Variants in SP1 observed in about 807,000 individuals in gnomAD.
The protein encoded by SP1 is transcription factor Sp1.
A neutral mutation model predicts 66.3 loss-of-function variants in SP1; 6 were observed. That is an observed-to-expected ratio of 0.09 (90% CI 0.05 to 0.18). The LOEUF (loss-of-function observed/expected upper bound fraction) is 0.18. Ranked by LOEUF, SP1 falls within the 10% of genes least tolerant of loss-of-function variation. SP1 has a pLI of 1.00. For missense variants in SP1, 848 were observed against 964.5 expected (o/e 0.88, Z 1.60); for synonymous variants, 417 against 360.8 (o/e 1.16, Z -1.77).
At chr12:53,392,586 TG>T (rs1938378951) in intron 3 of SP1, among the ~76,000 whole-genome samples, 1 of 151,426 alleles carries the variant, frequency 6.6e-6, no homozygotes, top group Admixed American at 6.6e-5. Flanking sequence ...CTCGATCTCC[TG>T]ACCTCGTGAT....
chr12:53,399,461 A>G (rs1427108956), intron 3 of SP1, among the ~76,000 whole-genome samples: 2 of 151,480 alleles, frequency 1.3e-5, no homozygotes, highest in Non-Finnish European at 2.9e-5. Flanking sequence ...CCTTGAGAGT[A>G]GCTGGGGCTA....
chr12:53,383,130 C>A lies in SP1; in HGVS notation c.1183C>A (p.Gln395Lys). The A allele has an allele frequency of 6.2e-7, 1 of 1,614,216 alleles. No individual in the cohort carries two copies. The change falls in exon 3 of 6, where the codon CAG (glutamine) becomes AAG (lysine). Residue 395 changes from glutamine (Q) to lysine (K), a missense_variant. Transcript: ENST00000327443. ...QKEGEQNQQTQQQQILIQPQL... is the reference protein window; with the variant it reads ...QKEGEQNQQTKQQQILIQPQL... ...AGAAGGAGAGCAAAACCAGCAGACACAGCAGCAACAAATTCTTATCCAGCC... is the reference window on the plus strand; with the variant it reads ...AGAAGGAGAGCAAAACCAGCAGACAAAGCAGCAACAAATTCTTATCCAGCC...
At chr12:53,401,457 GAAAA>G (rs11367408) in intron 3 of SP1, among the ~76,000 whole-genome samples, 4 of 81,108 alleles carry the variant, frequency 4.9e-5, no homozygotes, top group Non-Finnish European at 7.3e-5. Context: ...ATCTATCTGG[GAAAA>G]AAAAAAAAAA....
At chr12:53,409,309 G>T in intron 4 of SP1, 53 bp from the exon 5 acceptor site, 1 of 1,463,512 alleles carries the variant, frequency 6.8e-7, no homozygotes, top group Non-Finnish European at 9.5e-7. Flanking sequence ...ATACTTTGTG[G>T]TTCTTTAGTT....
chr12:53,403,725 A>G (rs1196381809), intron 3 of SP1, among the ~76,000 whole-genome samples: 1 of 152,154 alleles, frequency 6.6e-6, no homozygotes, highest in Non-Finnish European at 1.5e-5. Context: ...ATACTTATTT[A>G]TAGTAAATGC....
rs952570918 is a variant in SP1 at position 53,412,102 on chromosome 12, A to G, written c.*862A>G. On this transcript the variant is annotated 3_prime_UTR_variant, in exon 6 of 6. Transcript: ENST00000327443. ...TGAAGCCCAGGCTGATGCTTGAAGT[A>G]ACTGTGGAGGGAGTGTTCAAAATAC... 5 of 152,296 alleles carry G rather than the reference A, an allele frequency of 3.3e-5. No homozygotes were observed. Among genetic ancestry groups the G allele is most frequent in the Admixed American group, 2.6e-4 (4 of 15,270 alleles). 9.4% of individuals were successfully genotyped at this position (152,296 alleles called of 1,614,324 possible). A position where few individuals can be genotyped will look rare whatever the true frequency, so the allele number is the denominator to read the frequency against.
intron 3 of SP1, among the ~76,000 whole-genome samples, chr12:53,397,621 C>T (rs1474267570): frequency 7.0e-6 from 1 of 143,116 alleles, no homozygotes; most frequent in African/African-American, 2.6e-5. Flanking sequence ...GAGTCCTGCT[C>T]TTCGCCCAGG....
intron 3 of SP1, among the ~76,000 whole-genome samples, chr12:53,394,522 G>GCC (rs1403307680): frequency 2.7e-5 from 4 of 145,498 alleles, no homozygotes; most frequent in Admixed American, 2.1e-4. Context: ...GTCTGCTTCA[G>GCC]CCTCCCAAAT....
chr12:53,407,077 G>T (rs1938758244), intron 4 of SP1, among the ~76,000 whole-genome samples: 1 of 151,812 alleles, frequency 6.6e-6, no homozygotes, highest in African/African-American at 2.4e-5. Flanking sequence ...GCCCGCCTCG[G>T]CCTCCTAAAG....
At chr12:53,386,727 G>GATCT (rs1450341296) in intron 3 of SP1, among the ~76,000 whole-genome samples, 3 of 151,752 alleles carry the variant, frequency 2.0e-5, no homozygotes, top group Admixed American at 2.0e-4. Context: ...GACCTCAAGT[G>GATCT]ATCTGCCTGC....
chr12:53,406,926 G>A (rs887143688), intron 4 of SP1, among the ~76,000 whole-genome samples, 173 bp downstream of exon 4: 29 of 151,576 alleles, frequency 1.9e-4, no homozygotes, highest in Admixed American at 1.8e-3. Flanking sequence ...CTGGGTTCAC[G>A]CCATTCTCCT....
At position 53,416,127 on chromosome 12, in the gene SP1, CTTAA is replaced by C. The variant is rs1308937473; in HGVS notation, c.*4889_*4892del. ...ACACCACTGTTGCCTTTTAAAACCT[CTTAA>C]TAATCTCATGCTGTGTTTGTTTTGA... On this transcript the variant is annotated 3_prime_UTR_variant, in exon 6 of 6. Transcript: ENST00000327443. 2.6e-5 allele frequency: 4 copies of C among 152,724 alleles called. No individual in the cohort carries two copies. The highest frequency in any genetic ancestry group is 9.6e-5 in the African/African-American group (4 of 41,566). 9.5% of individuals were successfully genotyped at this position (152,724 alleles called of 1,614,324 possible).
intron 3 of SP1, among the ~76,000 whole-genome samples, chr12:53,386,193 G>C (rs1188232491): frequency 6.6e-6 from 1 of 152,034 alleles, no homozygotes; most frequent in Non-Finnish European, 1.5e-5. Flanking sequence ...AGGTGATTCT[G>C]ATACTTCTAG....
At chr12:53,407,938 C>CTT (rs1172953734) in intron 4 of SP1, among the ~76,000 whole-genome samples, 2 of 131,556 alleles carry the variant, frequency 1.5e-5, no homozygotes, top group Non-Finnish European at 3.3e-5. Flanking sequence ...GGCGCCCGGC[C>CTT]TTTTTTTTTT....
Position 53,387,044 on chromosome 12 carries a change from G to A in SP1, c.1675+3422G>A, listed in dbSNP as rs1047793337. On this transcript the variant is annotated intron_variant, in intron 3 of 5. Coordinates refer to ENST00000327443, the MANE Select transcript of SP1 (RefSeq NM_138473.3). ...TGGCTCACTGCAACCTCTGCCTTCC[G>A]GGTTCAAGCAATTCTTCTGCCTCAG... Among the ~76,000 whole-genome samples, 15 of 149,194 alleles carry A rather than the reference G, an allele frequency of 1.0e-4. No homozygotes were observed. The East Asian group carries it at 2.2e-3, about 22-fold the overall frequency.
intron 3 of SP1, among the ~76,000 whole-genome samples, chr12:53,404,158 G>C (rs1938674701): frequency 6.7e-6 from 1 of 149,730 alleles, no homozygotes; most frequent in Non-Finnish European, 1.5e-5. Context: ...GCGACAGAGC[G>C]AGACTCCGTC....
At position 53,383,072 on chromosome 12, in the gene SP1, A is replaced by T. The variant is rs149094912; in HGVS notation, c.1125A>T (p.Thr375=). 1.4e-5 allele frequency: 23 copies of T among 1,614,090 alleles called. No homozygotes were observed. The highest frequency in any genetic ancestry group is 1.8e-5 in the Non-Finnish European group (21 of 1,180,050). Residue 375 remains threonine, a synonymous_variant, in exon 3 of 6, where the codon ACA becomes ACT. Coordinates refer to ENST00000327443, the MANE Select transcript of SP1 (RefSeq NM_138473.3). ...CTCTGAACATCCAGCAAAACCAGAC[A>T]TCTGGAGGCTCATTGCAAGCAGGCC... ...SDALNIQQNQ[T]SGGSLQAGQQ... is the part of the protein sequence containing the mutation.
chr12:53,383,412 G>A lies in SP1; in HGVS notation c.1465G>A (p.Gly489Ser), dbSNP rs1938154579. The A allele has an allele frequency of 2.5e-6, 4 of 1,614,044 alleles. No individual in the cohort carries two copies. Among genetic ancestry groups the A allele is most frequent in the Admixed American group, 1.7e-5 (1 of 59,990 alleles). ...AACAATCACCTTAGCCCCAATGCAG[G>A]GTGTTTCCTTGGGGCAGACCAGCAG... ...AQTITLAPMQGVSLGQTSSSN... is the reference protein window; with the variant it reads ...AQTITLAPMQSVSLGQTSSSN... Residue 489 changes from glycine (G) to serine (S), a missense_variant, in exon 3 of 6, where the codon GGT (glycine) becomes AGT (serine). Physicochemically the swap from Gly to Ser is moderately conservative, Grantham distance 56 (BLOSUM62 0). Coordinates refer to ENST00000327443, the MANE Select transcript of SP1 (RefSeq NM_138473.3).
Position 53,413,799 on chromosome 12 carries a change from G to A in SP1, c.*2559G>A, listed in dbSNP as rs538350400. 1 of 152,280 alleles carries A rather than the reference G, an allele frequency of 6.6e-6. No homozygotes were observed. The highest frequency in any genetic ancestry group is 2.4e-5 in the African/African-American group (1 of 41,446). The allele number at this position is 152,280 out of a possible 1,614,324, so 9.4% of individuals were successfully genotyped here. On this transcript the variant is annotated 3_prime_UTR_variant, in exon 6 of 6. Transcript: ENST00000327443. ...ATGAAATTACCAGATATAAAATAAT[G>A]TAATGATGCTGAGGATATAAGCTTT...
Sources: gnomAD v4.1 joint callset for allele counts (sites outside exome capture counted in the v4.1 genomes callset) on GRCh38, gnomAD v4.1.1 for gene constraint, MANE v1.5 for transcripts, NCBI Gene and HGNC (gene_info 2026-07-23, HGNC 2026-07-21) for gene names.